The following DIAPH2 variants were observed in gnomAD, a reference collection of about 807,000 sequenced individuals.
The protein encoded by DIAPH2 is protein diaphanous homolog 2.
DIAPH2 carries 35 observed loss-of-function variants against 92.7 expected under a neutral mutation model. The observed-to-expected ratio is 0.38, with a 90% CI of 0.29 to 0.50. DIAPH2 has a LOEUF of 0.50. Ranked by LOEUF, DIAPH2 falls within the 20% of genes least tolerant of loss-of-function variation. The probability of loss-of-function intolerance (pLI) is 0.94; values close to 1 mark genes in which losing one functional copy is unlikely to be tolerated. For missense variants in DIAPH2, 701 were observed against 819.5 expected, an observed-to-expected ratio of 0.86 and a Z score of 1.77; for synonymous variants, 301 against 280.4, an observed-to-expected ratio of 1.07 and a Z score of -0.73.
At chrX:97,280,466 G>A (rs1379738946) in intron 23 of DIAPH2, among the ~76,000 whole-genome samples, 3 of 110,722 alleles carry the variant, frequency 2.7e-5, no homozygotes, top group Non-Finnish European at 5.7e-5. Context: ...GCGAGTCTCC[G>A]TCTCAAAATA....
rs1040851485 is a variant in DIAPH2, at chrX:97,445,037, G to T, written c.3241+15292G>T. On this transcript the variant is annotated intron_variant, in intron 26 of 26. Transcript: ENST00000324765. Reference sequence around the variant, plus strand: ...AAGTTCCAACATCATGTGTTTCTAGGAAATTATTAGAGAATCTTTTAAATG... The same window carrying T: ...AAGTTCCAACATCATGTGTTTCTAGTAAATTATTAGAGAATCTTTTAAATG... Among the ~76,000 whole-genome samples, 10 of 111,786 alleles carry T rather than the reference G, an allele frequency of 8.9e-5. No individual in the cohort carries two copies. In the Admixed American group the frequency reaches 9.5e-4, roughly 11 times the overall value.
chrX:97,289,987 C>T (rs2068576526), intron 23 of DIAPH2, among the ~76,000 whole-genome samples: 1 of 109,121 alleles, frequency 9.2e-6, no homozygotes, highest in African/African-American at 3.3e-5. Flanking sequence ...GCTGGGATTA[C>T]AGGCATGAGC....
intron 24 of DIAPH2, among the ~76,000 whole-genome samples, chrX:97,361,744 A>G (rs2069327495): frequency 8.9e-6 from 1 of 111,749 alleles, no homozygotes; most frequent in Non-Finnish European, 1.9e-5. Flanking sequence ...ACATTCAAAT[A>G]TGGGGACGTC....
intron 26 of DIAPH2, among the ~76,000 whole-genome samples, chrX:97,536,431 C>T (rs949468364): frequency 6.2e-5 from 7 of 112,191 alleles, no homozygotes; most frequent in Non-Finnish European, 9.4e-5. Context: ...GATCTTAACA[C>T]ATTATTACTA....
intron 17 of DIAPH2, among the ~76,000 whole-genome samples, chrX:97,029,806 A>G (rs1010500364): frequency 2.7e-5 from 3 of 111,502 alleles, no homozygotes; most frequent in Admixed American, 9.5e-5. Flanking sequence ...CTGTATGTCT[A>G]TCTTTATGGC....
At chrX:97,581,331 A>T in intron 26 of DIAPH2, among the ~76,000 whole-genome samples, 2 of 38,545 alleles carry the variant, frequency 5.2e-5, no homozygotes, top group African/African-American at 6.4e-5. Context: ...CCCTCTACAC[A>T]CTGCTTTGAA....
rs183757828 is a variant in DIAPH2, at chrX:97,531,719, C to T, written c.3242-67534C>T. On this transcript the variant is annotated intron_variant, in intron 26 of 26. Transcript: ENST00000324765. ...GACTGCTTATGAGAACATTACAATTCGATATGTAGAGAGATGATGATTACA... is the reference window on the plus strand; with the variant it reads ...GACTGCTTATGAGAACATTACAATTTGATATGTAGAGAGATGATGATTACA... Among the ~76,000 whole-genome samples, 169 of 111,797 alleles carry T rather than the reference C, an allele frequency of 1.5e-3. 1 individual carries two copies. The highest frequency in any genetic ancestry group is 5.2e-3 in the African/African-American group (160 of 30,858).
intron 26 of DIAPH2, among the ~76,000 whole-genome samples, chrX:97,518,924 T>C (rs1253976637): frequency 8.9e-6 from 1 of 111,750 alleles, no homozygotes; most frequent in African/African-American, 3.2e-5. Context: ...CAGTTTCTAA[T>C]GTTCCTGGAT....
chrX:97,159,428 T>C (rs1333536164), intron 22 of DIAPH2, among the ~76,000 whole-genome samples: 1 of 112,438 alleles, frequency 8.9e-6, no homozygotes, highest in Non-Finnish European at 1.9e-5. Context: ...AAGAAAACTT[T>C]TTTTCAATCT....
intron 23 of DIAPH2, among the ~76,000 whole-genome samples, chrX:97,320,232 CTTAT>C (rs1430064434): frequency 1.8e-5 from 2 of 109,775 alleles, no homozygotes; most frequent in East Asian, 5.7e-4. Context: ...AAAAAGCATA[CTTAT>C]TTGTTTTTGT....
At chrX:96,899,080 A>T (rs1321219704) in intron 5 of DIAPH2, among the ~76,000 whole-genome samples, 2 of 110,407 alleles carry the variant, frequency 1.8e-5, no homozygotes, top group African/African-American at 3.3e-5. Flanking sequence ...TGTTCCGTTG[A>T]TCTATATCTC....
In DIAPH2 at chrX:96,918,496, T is replaced by A. The variant is rs1273643488; in HGVS notation, c.870-13T>A. ...AGTATTTCTCATTTCTGTTTCTTCT[T>A]TTTTCTCTACAGTCTAGATAAACTT... On this transcript the variant is annotated splice_polypyrimidine_tract_variant and intron_variant, in intron 8 of 26. Transcript: ENST00000324765. The A allele has an allele frequency of 8.9e-7, 1 of 1,117,699 alleles. No homozygotes were observed. The highest frequency in any genetic ancestry group is 1.2e-6 in the Non-Finnish European group (1 of 825,800). The allele number at this position is 1,117,699 out of a possible 1,213,427, so 92.1% of individuals were successfully genotyped here.
At chrX:96,695,334 T>A (rs145269929) in intron 1 of DIAPH2, among the ~76,000 whole-genome samples, 3,645 of 112,460 alleles carry the variant, frequency 0.032, 152 homozygotes, top group African/African-American at 0.11. Flanking sequence ...GCTGGCAGTT[T>A]AGATTTTCAC....
At chrX:97,188,036 G>A (rs920283224) in intron 22 of DIAPH2, among the ~76,000 whole-genome samples, 10 of 111,662 alleles carry the variant, frequency 9.0e-5, no homozygotes, top group African/African-American at 2.9e-4. Flanking sequence ...TACCTGGAGA[G>A]ATATTTGGAA....
At chrX:97,517,600 T>TA (rs1442985002) in intron 26 of DIAPH2, among the ~76,000 whole-genome samples, 1 of 112,475 alleles carries the variant, frequency 8.9e-6, no homozygotes, top group African/African-American at 3.2e-5. Flanking sequence ...AAATTGTTAT[T>TA]AACTTGTATT....
chrX:96,827,730 A>G (rs1006812073), intron 4 of DIAPH2, among the ~76,000 whole-genome samples: 2 of 112,198 alleles, frequency 1.8e-5, no homozygotes, highest in Non-Finnish European at 3.8e-5. Flanking sequence ...AGAACAGTCC[A>G]TTTGCCGTCA....
At chrX:96,826,276 G>T (rs1043666374) in intron 4 of DIAPH2, among the ~76,000 whole-genome samples, 6 of 110,139 alleles carry the variant, frequency 5.4e-5, no homozygotes, top group African/African-American at 2.0e-4. Flanking sequence ...AATTAGCCAG[G>T]CGTGGTGGTG....
rs760474338 is a variant in DIAPH2 at position 97,556,760 on chromosome X, C to A, written c.3242-42493C>A. Among the ~76,000 whole-genome samples the A allele has an allele frequency of 1.3e-3, 146 of 112,263 alleles. 1 individual carries two copies. The highest frequency in any genetic ancestry group is 2.3e-3 in the Non-Finnish European group (122 of 53,286). On this transcript the variant is annotated intron_variant, in intron 26 of 26. Coordinates refer to ENST00000324765, the MANE Select transcript of DIAPH2 (RefSeq NM_006729.5). ...TCGGGGGACACAGTTCAACCCACAACAGGTACCTTTTTTGTACCAAATACA... is the reference window on the plus strand; with the variant it reads ...TCGGGGGACACAGTTCAACCCACAAAAGGTACCTTTTTTGTACCAAATACA...
chrX:97,519,871 G>A (rs934711681), intron 26 of DIAPH2, among the ~76,000 whole-genome samples: 2 of 110,326 alleles, frequency 1.8e-5, no homozygotes, highest in South Asian at 3.9e-4. Context: ...CATTACAGGC[G>A]CGCTGTAATT....
Sources: gnomAD v4.1 joint callset for allele counts (sites outside exome capture counted in the v4.1 genomes callset) on GRCh38, gnomAD v4.1.1 for gene constraint, MANE v1.5 for transcripts, NCBI Gene and HGNC (gene_info 2026-07-23, HGNC 2026-07-21) for gene names.